Variants in DEPTOR observed in about 807,000 individuals in gnomAD.
DEPTOR encodes DEP domain containing MTOR interacting protein.
Under a neutral mutation model 41.6 loss-of-function variants are expected in DEPTOR, and 41 were observed. The observed-to-expected ratio is 0.98, with a 90% confidence interval of 0.77 to 1.28. DEPTOR has a LOEUF of 1.28. Among genes scored for constraint, DEPTOR ranks in the 50% most tolerant of loss-of-function variants. The pLI is 0.00. For synonymous variants in DEPTOR, 195 were observed against 192.3 expected (o/e 1.01, Z -0.12); for missense variants, 514 against 527.9 (o/e 0.97, Z 0.26).
chr8:119,958,019 T>C (rs1440679570), intron 3 of DEPTOR, among the ~76,000 whole-genome samples: 1 of 152,228 alleles, frequency 6.6e-6, no homozygotes, highest in African/African-American at 2.4e-5. Context: ...TGCCTCAGTG[T>C]GTGTGGTTTC....
chr8:119,908,926 G>A (rs1418893954), intron 1 of DEPTOR, among the ~76,000 whole-genome samples: 1 of 152,182 alleles, frequency 6.6e-6, no homozygotes, highest in Non-Finnish European at 1.5e-5. Context: ...ATGTAAATCA[G>A]AGTCACCAAG....
At chr8:119,893,788 T>A (rs1448863805) in intron 1 of DEPTOR, among the ~76,000 whole-genome samples, 1 of 138,556 alleles carries the variant, frequency 7.2e-6, no homozygotes, top group Admixed American at 7.3e-5. Context: ...AAAAAAAAAA[T>A]CTCTCCATAG....
chr8:119,879,306 G>A (rs1166220030), intron 1 of DEPTOR, among the ~76,000 whole-genome samples: 1 of 152,176 alleles, frequency 6.6e-6, no homozygotes, highest in Non-Finnish European at 1.5e-5. Context: ...TAAACATAGA[G>A]TTATCATATG....
chr8:119,907,648 C>T (rs568388593), intron 1 of DEPTOR, among the ~76,000 whole-genome samples: 154 of 152,162 alleles, frequency 1.0e-3, no homozygotes, highest in African/African-American at 3.6e-3. Context: ...TAAAAATTAG[C>T]GGGGCGTGGT....
At chr8:119,953,674 G>A (rs942758805) in intron 3 of DEPTOR, among the ~76,000 whole-genome samples, 1 of 152,022 alleles carries the variant, frequency 6.6e-6, no homozygotes, top group African/African-American at 2.4e-5. Flanking sequence ...GGGAAACCCA[G>A]TAAAGCCCGT....
chr8:119,883,456 C>A (rs1827324688), intron 1 of DEPTOR, among the ~76,000 whole-genome samples: 1 of 119,252 alleles, frequency 8.4e-6, no homozygotes, highest in African/African-American at 3.3e-5. Flanking sequence ...GCCTGGGCGA[C>A]AGAGCGAGAC....
At position 119,877,271 on chromosome 8, in the gene DEPTOR, A is replaced by G. The variant is rs1410464738; in HGVS notation, c.122+3303A>G. 2.6e-5 allele frequency among the ~76,000 whole-genome samples: 4 copies of G among 152,240 alleles called. No individual in the cohort carries two copies. The East Asian group carries it at 7.7e-4, about 29-fold the overall frequency. ...TGTTTTTTATCTCAACTGTTTTGGC[A>G]CTGTAACTAGCACATAGTAACTACT... On this transcript the variant is annotated intron_variant, in intron 1 of 8. Transcript: ENST00000286234.
chr8:119,899,873 C>T (rs948447736), intron 1 of DEPTOR, among the ~76,000 whole-genome samples: 3 of 152,124 alleles, frequency 2.0e-5, no homozygotes, highest in Non-Finnish European at 4.4e-5. Flanking sequence ...TTTTAGCTTT[C>T]CCTTGAATTT....
chr8:119,983,914 T>C lies in DEPTOR; in HGVS notation c.605-17611T>C, dbSNP rs74318628. Among the ~76,000 whole-genome samples the C allele has an allele frequency of 5.9e-3, 899 of 152,310 alleles. 11 individuals are homozygous for C. Among genetic ancestry groups the C allele is most frequent in the African/African-American group, 0.021 (862 of 41,572 alleles). ...CTGTTGACATACTGACTTTATCTCT[T>C]CAGTCTCAAAAGCAGCACCTGATAA... is the stretch of plus-strand genomic sequence containing the variant. On this transcript the variant is annotated intron_variant, in intron 4 of 8. Coordinates refer to ENST00000286234, the MANE Select transcript of DEPTOR (RefSeq NM_022783.4).
At chr8:119,949,819 A>G (rs571398878) in intron 3 of DEPTOR, among the ~76,000 whole-genome samples, 48 of 152,206 alleles carry the variant, frequency 3.2e-4, no homozygotes, top group African/African-American at 7.9e-4. Flanking sequence ...AGCTGGGATT[A>G]CAGGTGCACG....
At position 119,938,769 on chromosome 8, in the gene DEPTOR, C is replaced by G. The variant is rs960640135; in HGVS notation, c.425+8831C>G. Among the ~76,000 whole-genome samples the G allele has an allele frequency of 3.3e-5, 5 of 152,092 alleles. 1 individual carries two copies. The highest frequency in any genetic ancestry group is 1.2e-4 in the African/African-American group (5 of 41,408). On this transcript the variant is annotated intron_variant, in intron 3 of 8. Transcript: ENST00000286234. ...AAGTGATCTGCCTGCCTCGGCCTCC[C>G]AAATTGTTGGGATTACAGGTGTGAG...
chr8:119,975,761 G>C (rs1367883077), intron 4 of DEPTOR, among the ~76,000 whole-genome samples: 1 of 151,990 alleles, frequency 6.6e-6, no homozygotes, highest in African/African-American at 2.4e-5. Context: ...AAAGGAGCCT[G>C]ACTGAAGCTT....
At chr8:119,898,076 A>G (rs1036930279) in intron 1 of DEPTOR, among the ~76,000 whole-genome samples, 5 of 152,234 alleles carry the variant, frequency 3.3e-5, no homozygotes, top group Non-Finnish European at 5.9e-5. Context: ...GGCTACCTGT[A>G]TAATAAAGTT....
chr8:119,944,106 C>T (rs1440471324), intron 3 of DEPTOR, among the ~76,000 whole-genome samples: 1 of 152,166 alleles, frequency 6.6e-6, no homozygotes, highest in Non-Finnish European at 1.5e-5. Flanking sequence ...TCCCAAAGTG[C>T]TGGGATTACA....
chr8:119,896,984 A>G (rs1336270625), intron 1 of DEPTOR, among the ~76,000 whole-genome samples: 1 of 152,196 alleles, frequency 6.6e-6, no homozygotes, highest in Admixed American at 6.6e-5. Context: ...ATTTACTTAT[A>G]CTATTATGTA....
intron 8 of DEPTOR, among the ~76,000 whole-genome samples, chr8:120,010,905 T>C (rs1470097803): frequency 6.6e-6 from 1 of 152,222 alleles, no homozygotes; most frequent in African/African-American, 2.4e-5. Context: ...GAAATACCTT[T>C]ATATAGCACA....
At position 119,919,164 on chromosome 8, in the gene DEPTOR, T is replaced by C. The variant is rs568094458; in HGVS notation, c.123-9236T>C. Among the ~76,000 whole-genome samples the C allele has an allele frequency of 3.9e-5, 6 of 152,298 alleles. No homozygotes were observed. The South Asian group carries it at 8.3e-4, about 21-fold the overall frequency. The stretch of plus-strand genomic sequence containing the variant: ...ATGAAATGTGTATTATGATCCTATT[T>C]CATGTAAAAAATATACAAATATAGC... On this transcript the variant is annotated intron_variant, in intron 1 of 8. Transcript: ENST00000286234.
intron 1 of DEPTOR, among the ~76,000 whole-genome samples, chr8:119,915,692 T>C (rs1201110523): frequency 6.6e-6 from 1 of 152,200 alleles, no homozygotes; most frequent in African/African-American, 2.4e-5. Context: ...CTAGATTGCC[T>C]GACATTTCTT....
intron 8 of DEPTOR, among the ~76,000 whole-genome samples, chr8:120,044,172 AT>A: frequency 6.6e-6 from 1 of 150,846 alleles, no homozygotes; most frequent in East Asian, 1.9e-4. Flanking sequence ...TTATTTATTT[AT>A]TTTTTTGAGA....
Sources: gnomAD v4.1 joint callset for allele counts (sites outside exome capture counted in the v4.1 genomes callset) on GRCh38, gnomAD v4.1.1 for gene constraint, MANE v1.5 for transcripts, NCBI Gene and HGNC (gene_info 2026-07-23, HGNC 2026-07-21) for gene names.